The following FRMD5 variants were observed in gnomAD, a reference collection of about 807,000 sequenced individuals.
FRMD5 encodes the protein FERM domain containing 5.
FRMD5 carries 20 observed loss-of-function variants against 69.0 expected under a neutral mutation model. That is an observed-to-expected ratio of 0.29 (90% CI 0.20 to 0.42). The LOEUF is 0.42. FRMD5 is among the 10% of genes least tolerant of loss of function. The probability of loss-of-function intolerance (pLI) is 1.00; values close to 1 mark genes in which losing one functional copy is unlikely to be tolerated. For synonymous variants in FRMD5, 271 were observed against 260.1 expected, an observed-to-expected ratio of 1.04 and a Z score of -0.40; for missense variants, 595 against 708.6, an observed-to-expected ratio of 0.84 and a Z score of 1.82.
intron 1 of FRMD5, among the ~76,000 whole-genome samples, chr15:44,178,909 T>C (rs2077948431): frequency 6.6e-6 from 1 of 152,008 alleles, no homozygotes; most frequent in South Asian, 2.1e-4. Flanking sequence ...GGAGAATCGC[T>C]TGAACCCAGA....
intron 1 of FRMD5, among the ~76,000 whole-genome samples, chr15:44,110,071 A>T (rs534321960): frequency 7.2e-5 from 11 of 151,784 alleles, no homozygotes; most frequent in African/African-American, 2.2e-4. Flanking sequence ...TTTGTATGTA[A>T]TTTTTTTGTA....
chr15:44,168,219 T>C (rs2077741895), intron 1 of FRMD5, among the ~76,000 whole-genome samples: 3 of 152,164 alleles, frequency 2.0e-5, no homozygotes, highest in Admixed American at 2.0e-4. Context: ...CACCGCATAG[T>C]TTATGTGGCT....
intron 1 of FRMD5, among the ~76,000 whole-genome samples, chr15:43,952,746 G>A (rs573157589): frequency 6.6e-6 from 1 of 152,236 alleles, no homozygotes; most frequent in African/African-American, 2.4e-5. Context: ...CGGTCAGCAC[G>A]CAGCTTTTGT....
chr15:43,949,030 C>T (rs1332602243), intron 1 of FRMD5, among the ~76,000 whole-genome samples: 1 of 152,218 alleles, frequency 6.6e-6, no homozygotes, highest in Non-Finnish European at 1.5e-5. Context: ...CTTCATGGGA[C>T]ACTTCTGCTT....
At chr15:44,132,888 G>A (rs1400725163) in intron 1 of FRMD5, among the ~76,000 whole-genome samples, 6 of 151,576 alleles carry the variant, frequency 4.0e-5, no homozygotes, top group East Asian at 2.0e-4. Flanking sequence ...CTTGCCTCCC[G>A]AGTAGCTGGG....
intron 4 of FRMD5, among the ~76,000 whole-genome samples, chr15:43,915,035 C>T (rs1365622545): frequency 6.6e-6 from 1 of 152,148 alleles, no homozygotes; most frequent in Non-Finnish European, 1.5e-5. Context: ...CCTGTGACTA[C>T]CATTTTAATC....
At chr15:44,110,813 A>G (rs1053475839) in intron 1 of FRMD5, among the ~76,000 whole-genome samples, 2 of 152,180 alleles carry the variant, frequency 1.3e-5, no homozygotes, top group Admixed American at 1.3e-4. Flanking sequence ...TTGTTTCCCC[A>G]TTTGCAAAAT....
chr15:44,195,740 CTG>C (rs2078284400), upstream of FRMD5, among the ~76,000 whole-genome samples: 5 of 152,222 alleles, frequency 3.3e-5, no homozygotes, highest in Non-Finnish European at 7.3e-5. Flanking sequence ...TGCCCCCGAC[CTG>C]TGCTGTACCC....
At chr15:43,879,523 C>T (rs1447903653) in intron 13 of FRMD5, 2 of 399,092 alleles carry the variant, frequency 5.0e-6, no homozygotes, top group Non-Finnish European at 8.8e-6. Context: ...AGCTGATTCC[C>T]TTGCCCGGGG....
chr15:44,154,199 T>C (rs933311596), intron 1 of FRMD5, among the ~76,000 whole-genome samples: 8 of 152,006 alleles, frequency 5.3e-5, no homozygotes, highest in African/African-American at 1.9e-4. Context: ...GGTGCATGCT[T>C]TTCATCTCAG....
At chr15:43,953,073 G>T (rs921302494) in intron 1 of FRMD5, among the ~76,000 whole-genome samples, 1 of 152,150 alleles carries the variant, frequency 6.6e-6, no homozygotes, top group Non-Finnish European at 1.5e-5. Context: ...TTCTCTACTG[G>T]TAATTCCGCT....
At chr15:44,021,724 A>G (rs1240555178) in intron 1 of FRMD5, among the ~76,000 whole-genome samples, 2 of 152,218 alleles carry the variant, frequency 1.3e-5, no homozygotes, top group African/African-American at 4.8e-5. Context: ...GCTGCTATGT[A>G]AAATGTTATG....
intron 1 of FRMD5, chr15:44,194,644 G>C (rs1156951916): frequency 6.9e-6 from 3 of 432,424 alleles, no homozygotes; most frequent in East Asian, 5.4e-5. Context: ...CCCCGGAAAG[G>C]TGCACCTTAC....
At chr15:44,150,043 G>C (rs1322817134) in intron 1 of FRMD5, among the ~76,000 whole-genome samples, 1 of 151,938 alleles carries the variant, frequency 6.6e-6, no homozygotes, top group East Asian at 1.9e-4. Context: ...CACACTAACA[G>C]AATGGAGGAA....
intron 1 of FRMD5, among the ~76,000 whole-genome samples, chr15:44,165,508 C>T (rs182231567): frequency 4.6e-5 from 7 of 152,276 alleles, no homozygotes; most frequent in Admixed American, 4.6e-4. Context: ...AAGACAGTAA[C>T]TAGCAGGTAG....
At chr15:43,944,342 T>C (rs2089909349) in intron 1 of FRMD5, among the ~76,000 whole-genome samples, 1 of 152,232 alleles carries the variant, frequency 6.6e-6, no homozygotes, top group South Asian at 2.1e-4. Context: ...CATTAATCCA[T>C]TAACCCTTTA....
chr15:44,162,641 G>A (rs1390248664), intron 1 of FRMD5, among the ~76,000 whole-genome samples: 6 of 142,818 alleles, frequency 4.2e-5, no homozygotes, highest in Non-Finnish European at 6.1e-5. Flanking sequence ...GCCAAGGCAG[G>A]CAGATCACCT....
intron 1 of FRMD5, among the ~76,000 whole-genome samples, chr15:43,972,310 T>C (rs1232544924): frequency 1.3e-5 from 2 of 151,982 alleles, no homozygotes; most frequent in African/African-American, 4.8e-5. Context: ...AATGCATCAA[T>C]ATATTAAAAA....
At chr15:44,108,019 C>G (rs2076743478) in intron 1 of FRMD5, among the ~76,000 whole-genome samples, 1 of 152,050 alleles carries the variant, frequency 6.6e-6, no homozygotes, top group African/African-American at 2.4e-5. Flanking sequence ...AAGTCTAGAC[C>G]AGGGGTAAAC....
Sources: gnomAD v4.1 joint callset for allele counts (sites outside exome capture counted in the v4.1 genomes callset) on GRCh38, gnomAD v4.1.1 for gene constraint, MANE v1.5 for transcripts, NCBI Gene and HGNC (gene_info 2026-07-23, HGNC 2026-07-21) for gene names.